PTPN12: variants seen among roughly 807,000 people sequenced by gnomAD.
The protein encoded by PTPN12 is protein tyrosine phosphatase non-receptor type 12.
In PTPN12, 29 loss-of-function variants were observed where a neutral mutation model predicts 97.6. The observed-to-expected ratio is 0.30, with a 90% CI of 0.22 to 0.41. The LOEUF is 0.41. Ranked by LOEUF, PTPN12 falls within the 10% of genes least tolerant of loss-of-function variation. PTPN12 has a pLI of 1.00. For synonymous variants in PTPN12, 327 were observed against 300.4 expected, an observed-to-expected ratio of 1.09 and a Z score of -0.91; for missense variants, 819 against 926.0, an observed-to-expected ratio of 0.88 and a Z score of 1.50.
At chr7:77,566,622 G>A (rs1177596465) in intron 1 of PTPN12, among the ~76,000 whole-genome samples, 3 of 152,170 alleles carry the variant, frequency 2.0e-5, no homozygotes, top group Non-Finnish European at 1.5e-5. Context: ...GCTAAGGGAC[G>A]CTGAGGTGGG....
At chr7:77,638,522 T>G in intron 16 of PTPN12, 102 bp from the exon 17 acceptor site, 1 of 1,336,348 alleles carries the variant, frequency 7.5e-7, no homozygotes, top group Non-Finnish European at 9.6e-7. Flanking sequence ...GGAGAGAAAG[T>G]TTTCTCTTTT....
intron 5 of PTPN12, among the ~76,000 whole-genome samples, chr7:77,588,776 TAGAG>T (rs767261997): frequency 5.3e-5 from 8 of 152,246 alleles, no homozygotes; most frequent in South Asian, 2.1e-4. Flanking sequence ...TGGACTGAAA[TAGAG>T]AGGTATTTTT....
At chr7:77,590,633 T>C (rs913675393) in intron 5 of PTPN12, among the ~76,000 whole-genome samples, 1 of 151,730 alleles carries the variant, frequency 6.6e-6, no homozygotes, top group Non-Finnish European at 1.5e-5. Context: ...CAATCTCAGC[T>C]CTTTGCAACC....
intron 12 of PTPN12, among the ~76,000 whole-genome samples, chr7:77,625,975 C>A (rs912105120): frequency 6.6e-6 from 1 of 152,152 alleles, no homozygotes; most frequent in Non-Finnish European, 1.5e-5. Flanking sequence ...ACAGGAGAAT[C>A]TGAAACCAGA....
At chr7:77,595,103 G>A (rs1361296761) in intron 6 of PTPN12, among the ~76,000 whole-genome samples, 1 of 152,134 alleles carries the variant, frequency 6.6e-6, no homozygotes, top group African/African-American at 2.4e-5. Flanking sequence ...TAACTTGAAA[G>A]GTCTCTAGAT....
Position 77,583,642 on chromosome 7 carries a change from A to G in PTPN12, c.373A>G (p.Asn125Asp). 7.0e-6 allele frequency: 11 copies of G among 1,577,316 alleles called. No homozygotes were observed. The highest frequency in any genetic ancestry group is 7.8e-6 in the Non-Finnish European group (9 of 1,153,498). ...TTTTTGGAGGATGATATGGGAGTAT[A>G]ATGTTGTGGTAAGTAATTTACTTTT... Reference protein sequence around the residue: ...IDFWRMIWEYNVVIIVMACRE... With the variant: ...IDFWRMIWEYDVVIIVMACRE... The change falls in exon 4 of 18, where the codon AAT becomes GAT. Residue 125 changes from asparagine to aspartate, a missense_variant. Asn to Asp is a conservative substitution (Grantham distance 23). Around this residue, in one of 5 missense-constraint regions of PTPN12, gnomAD observed 66 missense variants for 133.6 expected, o/e 0.49. Transcript: ENST00000248594.
intron 12 of PTPN12, among the ~76,000 whole-genome samples, chr7:77,622,693 C>G (rs530943603): frequency 1.3e-5 from 2 of 152,084 alleles, no homozygotes; most frequent in South Asian, 4.1e-4. Context: ...ATCGCTTGAA[C>G]CCGGGAGGCG....
At position 77,627,237 on chromosome 7, in the gene PTPN12, C is replaced by A. The variant is rs1379613708; in HGVS notation, c.1558C>A (p.Pro520Thr). 2 of 1,613,976 alleles carry A rather than the reference C, an allele frequency of 1.2e-6. No individual in the cohort carries two copies. Among genetic ancestry groups the A allele is most frequent in the African/African-American group, 2.7e-5 (2 of 74,924 alleles). The change falls in exon 13 of 18, where the codon CCT (proline) becomes ACT (threonine). Residue 520 changes from proline (P) to threonine (T), a missense_variant. By Grantham distance (38) the Pro-to-Thr change is conservative. This residue lies in a region of PTPN12 where 607 missense variants were observed against 577.3 expected (regional missense o/e 1.05). Transcript: ENST00000248594. ...AGAAGAATCCCAGAATTCAGACACACCTCCAAGGCCAGACCGCTTGCCTCT... is the reference window on the plus strand; with the variant it reads ...AGAAGAATCCCAGAATTCAGACACAACTCCAAGGCCAGACCGCTTGCCTCT... Reference protein sequence around the residue: ...PPEESQNSDTPPRPDRLPLDE... With the variant: ...PPEESQNSDTTPRPDRLPLDE...
chr7:77,587,440 A>G (rs1180982303), intron 5 of PTPN12, among the ~76,000 whole-genome samples: 1 of 152,114 alleles, frequency 6.6e-6, no homozygotes, highest in Non-Finnish European at 1.5e-5. Flanking sequence ...TCATTAAACC[A>G]TGCAATAGGG....
At chr7:77,559,598 C>G (rs1807906730) in intron 1 of PTPN12, among the ~76,000 whole-genome samples, 1 of 152,082 alleles carries the variant, frequency 6.6e-6, no homozygotes, top group African/African-American at 2.4e-5. Flanking sequence ...TTTTTATTAC[C>G]TTCATATGTC....
chr7:77,603,462 G>A (rs1788251541), intron 8 of PTPN12, among the ~76,000 whole-genome samples: 2 of 152,208 alleles, frequency 1.3e-5, no homozygotes. Context: ...TCCTTTCAGT[G>A]TGTGTATGTG....
intron 1 of PTPN12, among the ~76,000 whole-genome samples, chr7:77,555,218 CTTTT>C (rs199567759): frequency 7.2e-6 from 1 of 138,468 alleles, no homozygotes; most frequent in Admixed American, 7.2e-5. Context: ...ATTTGTTTAT[CTTTT>C]TTTTTTTTTT....
At chr7:77,563,863 A>G (rs776994304) in intron 1 of PTPN12, 13 of 354,052 alleles carry the variant, frequency 3.7e-5, no homozygotes, top group Non-Finnish European at 1.1e-5. Flanking sequence ...TGTATAGTTG[A>G]AAGACCCTTT....
chr7:77,633,582 C>G (rs575074138), intron 14 of PTPN12, among the ~76,000 whole-genome samples: 17 of 151,390 alleles, frequency 1.1e-4, no homozygotes, highest in African/African-American at 4.1e-4. Context: ...GCACTCCAGC[C>G]TGGGCAACAG....
Position 77,559,004 on chromosome 7 carries a change from A to ACT in PTPN12, c.100-12065_100-12064dup, listed in dbSNP as rs200247765. Among the ~76,000 whole-genome samples the ACT allele has an allele frequency of 8.2e-3, 1,205 of 147,558 alleles. 24 individuals carry two copies. Among genetic ancestry groups the ACT allele is most frequent in the African/African-American group, 0.031 (1,163 of 37,358 alleles). ...ACTCCAGCATGGGTAGCAGAACAAG[A>ACT]CTCTCTCTCTGAAAAACAAAAATAA... is the stretch of plus-strand genomic sequence containing the variant. On this transcript the variant is annotated intron_variant, in intron 1 of 17. Transcript: ENST00000248594.
At chr7:77,614,328 T>C (rs1445216012) in intron 11 of PTPN12, among the ~76,000 whole-genome samples, 1 of 152,264 alleles carries the variant, frequency 6.6e-6, no homozygotes, top group Non-Finnish European at 1.5e-5. Context: ...TCAATCCTTT[T>C]TTAATATCCT....
At chr7:77,637,582 CGTG>C (rs1164020686) in intron 16 of PTPN12, among the ~76,000 whole-genome samples, 5 of 152,008 alleles carry the variant, frequency 3.3e-5, no homozygotes, top group African/African-American at 1.2e-4. Flanking sequence ...TTAGGCCTGG[CGTG>C]GTGGCTCACA....
rs556880847 is a variant in PTPN12 at position 77,634,872 on chromosome 7, C to T, written c.2075-910C>T. 1.6e-3 allele frequency among the ~76,000 whole-genome samples: 238 copies of T among 151,110 alleles called. 1 individual carries two copies. The highest frequency in any genetic ancestry group is 5.0e-3 in the African/African-American group (205 of 41,150). ...GATTACAGGCGGGAGCCACCACGCCCGGCCTTGTTTTGTTTTATTTCGAGT... is the reference window on the plus strand; with the variant it reads ...GATTACAGGCGGGAGCCACCACGCCTGGCCTTGTTTTGTTTTATTTCGAGT... On this transcript the variant is annotated intron_variant, in intron 14 of 17. Coordinates refer to ENST00000248594, the MANE Select transcript of PTPN12 (RefSeq NM_002835.4).
intron 1 of PTPN12, chr7:77,538,077 C>A: frequency 1.0e-6 from 1 of 992,398 alleles, no homozygotes; most frequent in Non-Finnish European, 1.2e-6. Context: ...GAGTGCAGAT[C>A]GTGGCTGACA....
Sources: gnomAD v4.1 joint callset for allele counts (sites outside exome capture counted in the v4.1 genomes callset) on GRCh38, gnomAD v4.1.1 for gene constraint, gnomAD v4.1.1 regional missense constraint, MANE v1.5 for transcripts, NCBI Gene and HGNC (gene_info 2026-07-23, HGNC 2026-07-21) for gene names.